TMEM117: variants seen among roughly 807,000 people sequenced by gnomAD.
TMEM117 encodes transmembrane protein 117.
A neutral mutation model predicts 52.4 loss-of-function variants in TMEM117; 27 were observed. The ratio of observed to expected loss-of-function variants is 0.51; its 90% confidence interval spans 0.38 to 0.71. The LOEUF (loss-of-function observed/expected upper bound fraction) is 0.71. TMEM117 is among the 30% of genes least tolerant of loss of function. The pLI, the probability that TMEM117 is intolerant of heterozygous loss-of-function variation, is 0.00. For synonymous variants in TMEM117, 215 were observed against 206.3 expected, an observed-to-expected ratio of 1.04 and a Z score of -0.36; for missense variants, 556 against 630.5, an observed-to-expected ratio of 0.88 and a Z score of 1.26.
At position 44,224,556 on chromosome 12, in the gene TMEM117, C is replaced by T. The variant is rs180838087; in HGVS notation, c.608+13169C>T. Among the ~76,000 whole-genome samples, 375 of 151,978 alleles carry T rather than the reference C, an allele frequency of 2.5e-3. 2 individuals carry two copies. Among genetic ancestry groups the T allele is most frequent in the African/African-American group, 8.6e-3 (357 of 41,456 alleles). ...CCTCCTTCTCTTCCTCCTCCTCCTCCTCCTTCATGTTAATATAAAAGGAAA... is the reference window on the plus strand; with the variant it reads ...CCTCCTTCTCTTCCTCCTCCTCCTCTTCCTTCATGTTAATATAAAAGGAAA... On this transcript the variant is annotated intron_variant, in intron 5 of 7. Coordinates refer to ENST00000266534, the MANE Select transcript of TMEM117 (RefSeq NM_032256.3).
intron 3 of TMEM117, chr12:44,009,223 A>T: frequency 7.3e-6 from 2 of 274,400 alleles, no homozygotes; most frequent in Non-Finnish European, 1.4e-5. Flanking sequence ...GGACAATTTC[A>T]TTCTGGTCTG....
At chr12:44,237,500 A>G (rs191446474) in intron 5 of TMEM117, among the ~76,000 whole-genome samples, 61 of 152,128 alleles carry the variant, frequency 4.0e-4, no homozygotes, top group Non-Finnish European at 7.4e-4. Context: ...CAGGCAGATC[A>G]CTTGATCTCA....
chr12:43,948,420 C>T (rs956655535), intron 3 of TMEM117, among the ~76,000 whole-genome samples: 9 of 152,034 alleles, frequency 5.9e-5, no homozygotes, highest in Non-Finnish European at 1.3e-4. Context: ...ATTCTCCTGC[C>T]TCAGCCTCCT....
the TMEM117 span, among the ~76,000 whole-genome samples, chr12:43,813,370 A>G: frequency 1.3e-5 from 2 of 149,584 alleles, no homozygotes; most frequent in Non-Finnish European, 3.0e-5. Flanking sequence ...CAGCCTCCAC[A>G]GTAGCTGGGA....
intron 5 of TMEM117, among the ~76,000 whole-genome samples, chr12:44,292,733 G>A (rs894020626): frequency 3.3e-5 from 5 of 151,922 alleles, no homozygotes; most frequent in Admixed American, 2.0e-4. Context: ...TGTTCAGGTA[G>A]CATGTTGTTT....
At chr12:43,865,313 T>G (rs2137410063) in intron 2 of TMEM117, among the ~76,000 whole-genome samples, 1 of 152,272 alleles carries the variant, frequency 6.6e-6, no homozygotes, top group Admixed American at 6.5e-5. Flanking sequence ...ACCTTCTAAC[T>G]TGGGCATTGA....
the TMEM117 span, among the ~76,000 whole-genome samples, chr12:43,824,489 C>A: frequency 5.3e-5 from 8 of 152,294 alleles, 1 homozygote; most frequent in African/African-American, 1.9e-4. Context: ...AGGAAATGGG[C>A]TCTAGGAGAG....
intron 3 of TMEM117, among the ~76,000 whole-genome samples, chr12:44,057,974 T>C (rs1565810762): frequency 6.6e-6 from 1 of 152,228 alleles, no homozygotes; most frequent in African/African-American, 2.4e-5. Flanking sequence ...TCACCAGTTT[T>C]CCCAATTTTA....
At chr12:44,281,990 C>T (rs1950582163) in intron 5 of TMEM117, among the ~76,000 whole-genome samples, 1 of 152,088 alleles carries the variant, frequency 6.6e-6, no homozygotes, top group Non-Finnish European at 1.5e-5. Flanking sequence ...AGGAGGGATC[C>T]AAGGGGAGGT....
chr12:44,106,404 A>T (rs1947954947), intron 3 of TMEM117, among the ~76,000 whole-genome samples: 3 of 152,230 alleles, frequency 2.0e-5, no homozygotes, highest in South Asian at 4.1e-4. Flanking sequence ...ATTGAACTCC[A>T]ATTAAAAAAT....
chr12:44,345,815 C>G (rs2138764349), intron 6 of TMEM117, among the ~76,000 whole-genome samples: 1 of 152,136 alleles, frequency 6.6e-6, no homozygotes, highest in Admixed American at 6.6e-5. Context: ...AAATATATAT[C>G]TGAATAGTGA....
intron 3 of TMEM117, among the ~76,000 whole-genome samples, chr12:44,106,352 G>T (rs1488791816): frequency 6.6e-6 from 1 of 151,960 alleles, no homozygotes; most frequent in Non-Finnish European, 1.5e-5. Flanking sequence ...CTTGCTTGAG[G>T]TCAAACACAA....
intron 4 of TMEM117, among the ~76,000 whole-genome samples, chr12:44,166,838 C>T (rs1948974090): frequency 6.6e-6 from 1 of 152,172 alleles, no homozygotes; most frequent in African/African-American, 2.4e-5. Flanking sequence ...AGCCTCTCTA[C>T]CCAAATTTAC....
At chr12:44,159,608 G>A (rs530008559) in intron 4 of TMEM117, among the ~76,000 whole-genome samples, 3 of 152,076 alleles carry the variant, frequency 2.0e-5, no homozygotes, top group South Asian at 4.1e-4. Flanking sequence ...TGAAATTCAT[G>A]ATAATAATGT....
At chr12:43,868,357 G>T (rs183332899) in intron 2 of TMEM117, among the ~76,000 whole-genome samples, 1 of 151,924 alleles carries the variant, frequency 6.6e-6, no homozygotes, top group Admixed American at 6.6e-5. Context: ...CCTGGGCAAC[G>T]TGGTTAAAAC....
intron 4 of TMEM117, among the ~76,000 whole-genome samples, chr12:44,171,261 C>T (rs966359628): frequency 1.2e-4 from 19 of 152,168 alleles, no homozygotes; most frequent in Admixed American, 3.3e-4. Context: ...GTGATCCGCC[C>T]GCCTCGGCCT....
At chr12:43,845,001 A>C in intron 2 of TMEM117, 73 bp downstream of exon 2, 2 of 1,522,508 alleles carry the variant, frequency 1.3e-6, no homozygotes, top group Non-Finnish European at 1.8e-6. Context: ...CAACTTTGCT[A>C]TTTCTAAGTG....
intron 6 of TMEM117, among the ~76,000 whole-genome samples, chr12:44,315,142 TTTTATTTGTTAATCTAGCTAGCAG>T (rs1260903206): frequency 1.3e-5 from 2 of 152,102 alleles, no homozygotes; most frequent in Admixed American, 6.5e-5. Flanking sequence ...GGATCTTCTC[TTTTATTTGTTAATCTAGCTAGCAG>T]TCTATCTGTC....
chr12:43,865,007 G>A (rs1315291199), intron 2 of TMEM117, among the ~76,000 whole-genome samples: 1 of 152,046 alleles, frequency 6.6e-6, no homozygotes, highest in Non-Finnish European at 1.5e-5. Flanking sequence ...TCACCGTGAA[G>A]GTCTGCAGCT....
Sources: allele counts gnomAD v4.1 joint callset (sites outside exome capture counted in the v4.1 genomes callset), GRCh38; gene constraint gnomAD v4.1.1; transcripts MANE v1.5; gene names NCBI Gene and HGNC (gene_info 2026-07-23, HGNC 2026-07-21).